The following PRR12 variants were observed in gnomAD, a reference collection of about 807,000 sequenced individuals.
PRR12 encodes the protein proline rich 12.
Under a neutral mutation model 138.0 loss-of-function variants are expected in PRR12, and 12 were observed. That is an observed-to-expected ratio of 0.09 (90% CI 0.06 to 0.14). PRR12 has a LOEUF of 0.14. PRR12 is among the 10% of genes least tolerant of loss of function. The pLI is 1.00. For missense variants in PRR12, 2,692 were observed against 2,861.3 expected (o/e 0.94, Z 1.35); for synonymous variants, 1,567 against 1,291.7 (o/e 1.21, Z -4.57).
At chr19:49,617,869 G>A (rs1046124916) in intron 9 of PRR12, among the ~76,000 whole-genome samples, 6 of 152,040 alleles carry the variant, frequency 3.9e-5, no homozygotes, top group Non-Finnish European at 7.4e-5. Flanking sequence ...AGGCCGAAGC[G>A]GGCAAATCAC....
At chr19:49,617,764 G>T (rs1299437397) in intron 9 of PRR12, among the ~76,000 whole-genome samples, 4 of 152,160 alleles carry the variant, frequency 2.6e-5, no homozygotes, top group African/African-American at 9.7e-5. Context: ...AATGAGGAAG[G>T]CGGAATTGTC....
chr19:49,625,477 G>T lies in PRR12; in HGVS notation c.5981G>T (p.Gly1994Val). The T allele has an allele frequency of 6.2e-7, 1 of 1,608,492 alleles. No individual in the cohort carries two copies. The change falls in exon 14 of 14, where the codon GGC (glycine) becomes GTC (valine). Residue 1994 changes from glycine to valine, a missense_variant. Around this residue, in one of 11 missense-constraint regions of PRR12, gnomAD observed 116 missense variants for 243.4 expected, o/e 0.48. Transcript: ENST00000418929. The surrounding 1 kb of genome is among the most constrained non-coding windows in gnomAD (Gnocchi z 5.5). ...RCRDQTLAIEGGAEDLGQEEV... is the reference protein window; with the variant it reads ...RCRDQTLAIEVGAEDLGQEEV... The stretch of plus-strand genomic sequence containing the variant: ...CCCCTGCAGACCCTGGCCATCGAGG[G>T]CGGCGCCGAGGACCTGGGCCAGGAG...
In PRR12 at chr19:49,597,730, C is replaced by T. The variant is rs779874117; in HGVS notation, c.3395C>T (p.Pro1132Leu). Residue 1132 changes from proline (P) to leucine (L), a missense_variant, in exon 4 of 14, where the codon CCG (proline) becomes CTG (leucine). Coordinates refer to ENST00000418929, the MANE Select transcript of PRR12 (RefSeq NM_020719.3). This position sits in a 1 kb window ranked among gnomAD's most constrained non-coding sequence, Gnocchi z 6.3. ...CTGGTCTCCAGCTGCCGCTCCCGTC[C>T]GGCCCTCTCGCCACTGGGGGACATC... The part of the protein sequence containing the change: ...PDLVSSCRSR[P>L]ALSPLGDIDF... 46 of 1,607,882 alleles carry T rather than the reference C, an allele frequency of 2.9e-5. No individual in the cohort carries two copies. Among genetic ancestry groups the T allele is most frequent in the Admixed American group, 1.3e-4 (8 of 59,534 alleles).
rs753908858 is a variant in PRR12, at chr19:49,596,714, G to C, written c.2379G>C (p.Val793=). 6.2e-7 allele frequency: 1 copy of C among 1,605,678 alleles called. No individual in the cohort carries two copies. Among genetic ancestry groups the C allele is most frequent in the Non-Finnish European group, 8.5e-7 (1 of 1,179,072 alleles). ...CCGGGGGCCCTGACCTCCCACTGGT[G>C]CTGCCTCCGCCTCCCCCCCAGCTGC... ...LEAGGPDLPL[V]LPPPPPQLLP... Residue 793 remains valine, a synonymous_variant, in exon 4 of 14, where the codon GTG becomes GTC. Coordinates refer to ENST00000418929, the MANE Select transcript of PRR12 (RefSeq NM_020719.3). This position sits in a 1 kb window ranked among gnomAD's most constrained non-coding sequence, Gnocchi z 5.6.
In PRR12 at chr19:49,595,028, C is replaced by T. The variant is rs1462997329; in HGVS notation, c.693C>T (p.Pro231=). ...AGACCCCCCCTTACCGCCCTGGCCC[C>T]CCAGACCCACCACCACCTCCTCGCC... The part of the protein sequence containing the change: ...PAQTPPYRPG[P]PDPPPPPRHL... The change falls in exon 4 of 14, where the codon CCC becomes CCT. Residue 231 remains proline (P), a synonymous_variant. Transcript: ENST00000418929. The T allele has an allele frequency of 2.5e-6, 4 of 1,606,710 alleles. No homozygotes were observed. The highest frequency in any genetic ancestry group is 1.6e-4 in the Middle Eastern group (1 of 6,076).
At position 49,625,821 on chromosome 19, in the gene PRR12, C is replaced by A; in HGVS notation, c.*214C>A. 2.0e-6 allele frequency: 1 copy of A among 499,434 alleles called. No individual in the cohort carries two copies. Among genetic ancestry groups the A allele is most frequent in the Non-Finnish European group, 3.4e-6 (1 of 290,520 alleles). 30.9% of individuals were successfully genotyped at this position (499,434 alleles called of 1,614,324 possible). ...CTCCCTCCCCATTCCTCCCACTGTT[C>A]GGTGTACAGAGAAATTATTTATATA... is the stretch of plus-strand genomic sequence containing the variant. On this transcript the variant is annotated 3_prime_UTR_variant, in exon 14 of 14. Coordinates refer to ENST00000418929, the MANE Select transcript of PRR12 (RefSeq NM_020719.3). The surrounding 1 kb of genome is among the most constrained non-coding windows in gnomAD (Gnocchi z 5.5).
In PRR12 at chr19:49,599,672, C is replaced by T; in HGVS notation, c.4079C>T (p.Pro1360Leu). ...AESEGLGLGC[P>L]SPCKRLDEEL... ...AGTGAGGGTCTGGGGCTTGGCTGCC[C>T]TTCACCCTGCAAGCGGCTTGATGAG... is the stretch of plus-strand genomic sequence containing the variant. Residue 1360 changes from proline (P) to leucine (L), a missense_variant, in exon 5 of 14, where the codon CCT (proline) becomes CTT (leucine). Around this residue, in one of 11 missense-constraint regions of PRR12, gnomAD observed 22 missense variants for 59.2 expected, o/e 0.37. Transcript: ENST00000418929. The surrounding 1 kb of genome is among the most constrained non-coding windows in gnomAD (Gnocchi z 5.0). 1 of 1,613,208 alleles carries T rather than the reference C, an allele frequency of 6.2e-7. No homozygotes were observed.
intron 6 of PRR12, among the ~76,000 whole-genome samples, chr19:49,605,490 G>C (rs1416366453): frequency 2.0e-5 from 3 of 152,138 alleles, no homozygotes; most frequent in Admixed American, 2.0e-4. Flanking sequence ...TCGAACTCCT[G>C]ACCTCAGGTG....
At chr19:49,611,129 A>C (rs1354228533) in intron 6 of PRR12, among the ~76,000 whole-genome samples, 1 of 152,094 alleles carries the variant, frequency 6.6e-6, no homozygotes, top group Non-Finnish European at 1.5e-5. Context: ...GGCATGAGCC[A>C]CTGCGCCTGG....
intron 6 of PRR12, among the ~76,000 whole-genome samples, chr19:49,602,161 A>T (rs958626883): frequency 1.2e-4 from 18 of 152,142 alleles, no homozygotes; most frequent in African/African-American, 2.7e-4. Flanking sequence ...GTTAACGCGT[A>T]TGTGTCTATA....
intron 6 of PRR12, among the ~76,000 whole-genome samples, chr19:49,604,265 G>A (rs930368810): frequency 5.9e-5 from 9 of 151,660 alleles, no homozygotes; most frequent in African/African-American, 2.2e-4. Flanking sequence ...AACTTTGAGA[G>A]ACTGAGGTGA....
chr19:49,625,021 G>C lies in PRR12; in HGVS notation c.5868+31G>C. ...CACTGGGGCTGGGGCTGGGAGTGGGGAGTGCTGGCGGTATGTGGGAAGGGA... is the reference window on the plus strand; with the variant it reads ...CACTGGGGCTGGGGCTGGGAGTGGGCAGTGCTGGCGGTATGTGGGAAGGGA... On this transcript the variant is annotated intron_variant, in intron 12 of 13. Transcript: ENST00000418929. This position sits in a 1 kb window ranked among gnomAD's most constrained non-coding sequence, Gnocchi z 5.5. 2 of 1,609,886 alleles carry C rather than the reference G, an allele frequency of 1.2e-6. No homozygotes were observed. Among genetic ancestry groups the C allele is most frequent in the Non-Finnish European group, 1.7e-6 (2 of 1,177,252 alleles).
intron 6 of PRR12, among the ~76,000 whole-genome samples, chr19:49,610,341 G>A (rs117931665): frequency 0.04 from 6,061 of 152,016 alleles, 145 homozygotes; most frequent in South Asian, 0.12. Context: ...GCTTACATCC[G>A]CACTGCTTAC....
chr19:49,597,927 A>C lies in PRR12; in HGVS notation c.3592A>C (p.Lys1198Gln). 4 of 1,406,296 alleles carry C rather than the reference A, an allele frequency of 2.8e-6. No individual in the cohort carries two copies. Among genetic ancestry groups the C allele is most frequent in the South Asian group, 3.3e-5 (2 of 60,364 alleles). The allele number at this position is 1,406,296 out of a possible 1,614,324, so 87.1% of individuals were successfully genotyped here. ...GGCCTCCACGCCCACCGATGGCGCC[A>C]AGAAACCCCGGGGCCGGGGCCGAGG... ...ASASTPTDGA[K>Q]KPRGRGRGRG... is the part of the protein sequence containing the mutation. The change falls in exon 4 of 14, where the codon AAG becomes CAG. Residue 1198 changes from lysine to glutamine, a missense_variant. Transcript: ENST00000418929. The surrounding 1 kb of genome is among the most constrained non-coding windows in gnomAD (Gnocchi z 6.3).
rs776219994 is a variant in PRR12, at chr19:49,596,678, C to T, written c.2343C>T (p.Leu781=). 1.2e-5 allele frequency: 19 copies of T among 1,604,742 alleles called. No individual in the cohort carries two copies. In the East Asian group the frequency reaches 2.5e-4, roughly 21 times the overall value. The change falls in exon 4 of 14, where the codon CTC becomes CTT. Residue 781 remains leucine, a synonymous_variant. Coordinates refer to ENST00000418929, the MANE Select transcript of PRR12 (RefSeq NM_020719.3). The surrounding 1 kb of genome is among the most constrained non-coding windows in gnomAD (Gnocchi z 5.6). ...AQSTQPTPHG[L]LLEAGGPDLP... is the part of the protein sequence containing the mutation. ...CTACCCAGCCCACTCCCCATGGCCT[C>T]CTTCTGGAGGCCGGGGGCCCTGACC...
chr19:49,612,980 A>T (rs540840424), intron 6 of PRR12, among the ~76,000 whole-genome samples: 46 of 151,902 alleles, frequency 3.0e-4, no homozygotes, highest in African/African-American at 1.1e-3. Flanking sequence ...TTTTAAAGAC[A>T]TGTTCCTTCC....
intron 6 of PRR12, 115 bp downstream of exon 6, chr19:49,602,033 C>T (rs1029581685): frequency 3.4e-5 from 46 of 1,340,130 alleles, no homozygotes; most frequent in East Asian, 2.8e-4. Context: ...GTGGCCGGGC[C>T]GCCCTGGAAT....
intron 6 of PRR12, among the ~76,000 whole-genome samples, chr19:49,607,410 A>G (rs915987931): frequency 3.3e-5 from 5 of 151,554 alleles, no homozygotes; most frequent in South Asian, 2.1e-4. Flanking sequence ...AATAAAAACT[A>G]TTAATGATGT....
chr19:49,596,700 G>T lies in PRR12; in HGVS notation c.2365G>T (p.Asp789Tyr). ...HGLLLEAGGPDLPLVLPPPPP... is the reference protein window; with the variant it reads ...HGLLLEAGGPYLPLVLPPPPP... Reference sequence around the variant, plus strand: ...CCTCCTTCTGGAGGCCGGGGGCCCTGACCTCCCACTGGTGCTGCCTCCGCC... The same window carrying T: ...CCTCCTTCTGGAGGCCGGGGGCCCTTACCTCCCACTGGTGCTGCCTCCGCC... The change falls in exon 4 of 14, where the codon GAC becomes TAC. Residue 789 changes from aspartate (D) to tyrosine (Y), a missense_variant. Around this residue, in one of 11 missense-constraint regions of PRR12, gnomAD observed 840 missense variants for 689.8 expected, o/e 1.22. Coordinates refer to ENST00000418929, the MANE Select transcript of PRR12 (RefSeq NM_020719.3). This position sits in a 1 kb window ranked among gnomAD's most constrained non-coding sequence, Gnocchi z 5.6. The T allele has an allele frequency of 2.5e-6, 4 of 1,606,254 alleles. No homozygotes were observed. Among genetic ancestry groups the T allele is most frequent in the Non-Finnish European group, 2.5e-6 (3 of 1,179,188 alleles).
Sources: gnomAD v4.1 joint callset for allele counts (sites outside exome capture counted in the v4.1 genomes callset) on GRCh38, gnomAD v4.1.1 for gene constraint, gnomAD v4.1.1 regional missense constraint, Gnocchi (gnomAD v3.1) non-coding constraint, MANE v1.5 for transcripts, NCBI Gene and HGNC (gene_info 2026-07-23, HGNC 2026-07-21) for gene names.